Variants in ABCC11 observed in about 807,000 individuals in gnomAD.
ABCC11 encodes the protein ATP-binding cassette sub-family C member 11.
In ABCC11, 135 loss-of-function variants were observed where a neutral mutation model predicts 149.3. The observed-to-expected ratio is 0.90, with a 90% CI of 0.79 to 1.04. The LOEUF is 1.04. Ranked by LOEUF, ABCC11 falls within the 50% of genes least tolerant of loss-of-function variation. The probability of loss-of-function intolerance (pLI) is 0.00; values close to 1 mark genes in which losing one functional copy is unlikely to be tolerated. For missense variants in ABCC11, 1,680 were observed against 1,722.1 expected, an observed-to-expected ratio of 0.98 and a Z score of 0.43; for synonymous variants, 665 against 671.4, an observed-to-expected ratio of 0.99 and a Z score of 0.15.
At chr16:48,192,475 G>C (rs768885078) in intron 20 of ABCC11, 45 bp downstream of exon 20, 9 of 1,594,208 alleles carry the variant, frequency 5.6e-6, no homozygotes, top group Non-Finnish European at 7.7e-6. Flanking sequence ...AGCTGGGCAA[G>C]TTCAGAGCTC....
chr16:48,240,850 G>A (rs1970931382), intron 1 of ABCC11, among the ~76,000 whole-genome samples: 1 of 152,044 alleles, frequency 6.6e-6, no homozygotes, highest in Non-Finnish European at 1.5e-5. Context: ...AAATCTGGCA[G>A]ATACCACCTT....
chr16:48,213,549 G>T lies in ABCC11; in HGVS notation c.1250C>A (p.Ala417Asp), dbSNP rs545225150. Residue 417 changes from alanine (A) to aspartate (D), a missense_variant and splice_region_variant, in exon 10 of 30, where the codon GCC becomes GAC. By Grantham distance (126) the Ala-to-Asp change is moderately radical. Transcript: ENST00000356608. ...SLKLKLTASM[A>D]FSMLASLNLL... ...ATTCAAGGAGGCCAGCATGCTGAAG[G>T]CCTGGATAAGAAGGGGAGGAGGTGG... The T allele has an allele frequency of 1.9e-6, 3 of 1,607,192 alleles. No homozygotes were observed. Among genetic ancestry groups the T allele is most frequent in the East Asian group, 2.3e-5 (1 of 44,444 alleles).
Position 48,167,161 on chromosome 16 carries a change from C to T in ABCC11, c.*113G>A. The T allele has an allele frequency of 4.1e-6, 2 of 482,090 alleles. No homozygotes were observed. The highest frequency in any genetic ancestry group is 1.8e-5 in the South Asian group (1 of 57,106). The allele number at this position is 482,090 out of a possible 1,614,324, so 29.9% of individuals were successfully genotyped here. On this transcript the variant is annotated 3_prime_UTR_variant, in exon 30 of 30. Transcript: ENST00000356608. ...ACCCCCCCTACATTTACCCCTGCTT[C>T]CAGGAGAAGTTCTCATCTCCAAACA...
Position 48,167,611 on chromosome 16 carries a change from G to A in ABCC11, c.3941C>T (p.Thr1314Ile). The change falls in exon 29 of 30, where the codon ACC becomes ATC. Residue 1314 changes from threonine to isoleucine, a missense_variant. Thr to Ile is a moderately conservative substitution (Grantham distance 89). Transcript: ENST00000356608. ...ATASIDMETD[T>I]LIQRTIREAF... ...TTCACGGATTGTGCGCTGGATCAGG[G>A]TGTCTGTCTCCATGTCAATGGAGGC... 1 of 1,612,410 alleles carries A rather than the reference G, an allele frequency of 6.2e-7. No homozygotes were observed. Among genetic ancestry groups the A allele is most frequent in the Non-Finnish European group, 8.5e-7 (1 of 1,180,012 alleles).
At chr16:48,196,126 C>T in intron 18 of ABCC11, 106 bp downstream of exon 18, 1 of 1,138,218 alleles carries the variant, frequency 8.8e-7, no homozygotes, top group Non-Finnish European at 1.3e-6. Flanking sequence ...TACCATGGCT[C>T]CTCTGGACCT....
At chr16:48,242,745 A>G (rs928184760) in intron 1 of ABCC11, among the ~76,000 whole-genome samples, 5 of 152,232 alleles carry the variant, frequency 3.3e-5, no homozygotes, top group African/African-American at 9.6e-5. Flanking sequence ...TGTCCTTTGT[A>G]GGGACATGGA....
intron 4 of ABCC11, among the ~76,000 whole-genome samples, chr16:48,225,213 A>T (rs1011570420): frequency 3.0e-4 from 45 of 152,196 alleles, no homozygotes; most frequent in African/African-American, 8.7e-4. Context: ...ACTCTGTCAA[A>T]AAAATAAAAT....
Position 48,203,221 on chromosome 16 carries a change from C to A in ABCC11, c.1878+7G>T. 6.4e-7 allele frequency: 1 copy of A among 1,567,434 alleles called. No individual in the cohort carries two copies. On this transcript the variant is annotated splice_region_variant and intron_variant, in intron 14 of 29. Coordinates refer to ENST00000356608, the MANE Select transcript of ABCC11 (RefSeq NM_001370497.1). ...ACACAGAGAAGGCAGGCTCGCCTCC[C>A]TCTCACCTCTGTCATGTCTCCAAAG...
intron 6 of ABCC11, 24 bp downstream of exon 6, chr16:48,222,574 G>T: frequency 6.3e-7 from 1 of 1,599,980 alleles, no homozygotes; most frequent in South Asian, 1.1e-5. Context: ...GCATGGCCCA[G>T]AATAGGCAGT....
chr16:48,224,972 G>A lies in ABCC11; in HGVS notation c.396-543C>T, dbSNP rs1371653559. Among the ~76,000 whole-genome samples, 9 of 151,910 alleles carry A rather than the reference G, an allele frequency of 5.9e-5. No individual in the cohort carries two copies. The South Asian group carries it at 6.2e-4, about 11-fold the overall frequency. On this transcript the variant is annotated intron_variant, in intron 4 of 29. Coordinates refer to ENST00000356608, the MANE Select transcript of ABCC11 (RefSeq NM_001370497.1). ...CAGGAGGCAGAAGTTGCAGTAAGCC[G>A]AGATCATGCCACTGCACTCCAGCCT...
At chr16:48,192,818 G>C (rs938163896) in intron 19 of ABCC11, 101 bp from the exon 20 acceptor site, 14 of 1,247,658 alleles carry the variant, frequency 1.1e-5, no homozygotes, top group Non-Finnish European at 1.6e-5. Flanking sequence ...GTGGCTGGTA[G>C]AAGGTGAAGC....
chr16:48,198,637 A>AT (rs201789068), intron 15 of ABCC11, among the ~76,000 whole-genome samples: 3,034 of 143,098 alleles, frequency 0.021, 27 homozygotes, highest in Non-Finnish European at 0.027. Flanking sequence ...ACACTGAAGT[A>AT]TTTTTTTTTT....
chr16:48,244,318 C>T (rs1971202474), intron 1 of ABCC11: 5 of 1,204,228 alleles, frequency 4.2e-6, no homozygotes, highest in East Asian at 3.0e-5. Flanking sequence ...GGTTTGGTGA[C>T]TGCGGGGCAG....
intron 9 of ABCC11, 132 bp downstream of exon 9, chr16:48,214,749 C>G: frequency 7.8e-7 from 1 of 1,279,478 alleles, no homozygotes; most frequent in Non-Finnish European, 1.1e-6. Flanking sequence ...GTACTTTTGT[C>G]TGGAAAATCA....
At chr16:48,193,399 G>T (rs1369639523) in intron 19 of ABCC11, among the ~76,000 whole-genome samples, 1 of 152,186 alleles carries the variant, frequency 6.6e-6, no homozygotes, top group Non-Finnish European at 1.5e-5. Flanking sequence ...TCCTAGGGCA[G>T]GTTCTTCATC....
chr16:48,190,277 T>G (rs1017675806), intron 20 of ABCC11, among the ~76,000 whole-genome samples: 1 of 152,108 alleles, frequency 6.6e-6, no homozygotes, highest in Non-Finnish European at 1.5e-5. Flanking sequence ...TCATGCCCAC[T>G]GCAGAACCTG....
At chr16:48,190,539 T>A (rs1966869301) in intron 20 of ABCC11, among the ~76,000 whole-genome samples, 1 of 152,070 alleles carries the variant, frequency 6.6e-6, no homozygotes, top group African/African-American at 2.4e-5. Flanking sequence ...AATTTTTATA[T>A]CTTTGGTAGA....
intron 12 of ABCC11, among the ~76,000 whole-genome samples, chr16:48,206,279 G>A (rs534816731): frequency 3.3e-5 from 5 of 152,310 alleles, no homozygotes; most frequent in Non-Finnish European, 4.4e-5. Flanking sequence ...TGGACATCAC[G>A]ATGAAGTATT....
At chr16:48,177,643 C>T (rs137969261) in intron 24 of ABCC11, among the ~76,000 whole-genome samples, 23 of 152,372 alleles carry the variant, frequency 1.5e-4, no homozygotes, top group Non-Finnish European at 2.6e-4. Context: ...ATCTGCCTAA[C>T]GCCGAGCCCA....
Sources: allele counts gnomAD v4.1 joint callset (sites outside exome capture counted in the v4.1 genomes callset), GRCh38; gene constraint gnomAD v4.1.1; transcripts MANE v1.5; gene names NCBI Gene and HGNC (gene_info 2026-07-23, HGNC 2026-07-21).